CHLSN: variants seen among roughly 807,000 people sequenced by gnomAD.
CHLSN encodes the protein cholesin.
At chr7:1,008,742 CCACACATAAACACACA>C in the CHLSN span, among the ~76,000 whole-genome samples, 1 of 152,130 alleles carries the variant, frequency 6.6e-6, no homozygotes, top group South Asian at 2.1e-4. Flanking sequence ...ACACACATGT[CCACACATAAACACACA>C]CGTGCATAAA....
At chr7:1,136,443 AAT>A in the CHLSN span, among the ~76,000 whole-genome samples, 877 of 121,896 alleles carry the variant, frequency 7.2e-3, 24 homozygotes, top group Non-Finnish European at 9.2e-3. Context: ...CATATATATA[AAT>A]ATATATAAAC....
chr7:1,137,461 T>C, the CHLSN span: 1 of 152,092 alleles, frequency 6.6e-6, no homozygotes, highest in Non-Finnish European at 1.5e-5. Context: ...TTTTTAAAAA[T>C]GAATGAATGA....
At chr7:1,038,236 T>G in the CHLSN span, among the ~76,000 whole-genome samples, 1 of 68,198 alleles carries the variant, frequency 1.5e-5, no homozygotes, top group East Asian at 5.3e-4. Flanking sequence ...CGGCCAGCCG[T>G]GCCATCCGGG....
the CHLSN span, among the ~76,000 whole-genome samples, chr7:1,117,646 C>G: frequency 8.2e-6 from 1 of 122,318 alleles, no homozygotes; most frequent in Non-Finnish European, 1.7e-5. Context: ...TACAGCTCTA[C>G]GGACCGGCTT....
the CHLSN span, among the ~76,000 whole-genome samples, chr7:1,115,773 G>A: frequency 1.7e-5 from 2 of 118,516 alleles, no homozygotes; most frequent in East Asian, 2.3e-4. Flanking sequence ...ACAGCACTAC[G>A]GACCGGCTTC....
chr7:1,081,704 G>T, the CHLSN span, among the ~76,000 whole-genome samples: 9 of 149,520 alleles, frequency 6.0e-5, no homozygotes, highest in Non-Finnish European at 1.3e-4. Context: ...GGCGCAGCCT[G>T]GGGGAGGGAC....
the CHLSN span, among the ~76,000 whole-genome samples, chr7:996,745 AG>A: frequency 2.0e-4 from 31 of 152,358 alleles, no homozygotes; most frequent in Non-Finnish European, 3.7e-4. Flanking sequence ...TGCTGGGAAC[AG>A]GAAGTGTGTG....
At chr7:1,012,494 C>T in the CHLSN span, among the ~76,000 whole-genome samples, 1 of 152,252 alleles carries the variant, frequency 6.6e-6, no homozygotes, top group Non-Finnish European at 1.5e-5. Context: ...AGGCACCAGC[C>T]TGGATGCTGC....
chr7:1,027,374 C>T, the CHLSN span, among the ~76,000 whole-genome samples: 3 of 152,260 alleles, frequency 2.0e-5, no homozygotes, highest in East Asian at 1.9e-4. Flanking sequence ...TCCGTGCGGA[C>T]GCCTGGTCCA....
the CHLSN span, chr7:997,220 A>G: frequency 1.0e-4 from 17 of 163,236 alleles, no homozygotes; most frequent in Non-Finnish European, 1.7e-4. Context: ...AATCAGGCGG[A>G]AGGTGCAGGT....
At chr7:1,107,896 G>A in the CHLSN span, among the ~76,000 whole-genome samples, 3,664 of 96,222 alleles carry the variant, frequency 0.038, 106 homozygotes, top group African/African-American at 0.07. Context: ...CCCGCACCCC[G>A]GGAGGAAGCA....
the CHLSN span, among the ~76,000 whole-genome samples, chr7:1,030,794 ACTCTCTGGGCAGGTGGGG>A: frequency 6.7e-6 from 1 of 149,810 alleles, no homozygotes; most frequent in Admixed American, 6.6e-5. Context: ...GGCAGGTGGG[ACTCTCTGGGCAGGTGGGG>A]CTCTCTCTGG....
chr7:1,103,382 C>T, the CHLSN span, among the ~76,000 whole-genome samples: 1 of 152,150 alleles, frequency 6.6e-6, no homozygotes, highest in Admixed American at 6.5e-5. Context: ...TAAGGAAAAC[C>T]CCAGCTATCA....
chr7:1,008,403 C>A, the CHLSN span, among the ~76,000 whole-genome samples: 1 of 152,320 alleles, frequency 6.6e-6, no homozygotes, highest in African/African-American at 2.4e-5. Context: ...CACCTTGGGT[C>A]CCCTGGGCCA....
the CHLSN span, among the ~76,000 whole-genome samples, chr7:1,109,715 C>T: frequency 6.6e-6 from 1 of 152,136 alleles, no homozygotes; most frequent in African/African-American, 2.4e-5. Context: ...CCTCCCCCGC[C>T]GGGCCCTCCC....
At chr7:1,102,972 G>A in the CHLSN span, among the ~76,000 whole-genome samples, 13 of 152,322 alleles carry the variant, frequency 8.5e-5, no homozygotes, top group East Asian at 2.5e-3. Context: ...ACCAGGGAGC[G>A]GGAAGAGAGA....
the CHLSN span, among the ~76,000 whole-genome samples, chr7:1,111,381 A>C: frequency 6.6e-6 from 1 of 152,248 alleles, no homozygotes; most frequent in South Asian, 2.1e-4. Flanking sequence ...AGGTTTTCTC[A>C]AAGTGCAACT....
chr7:1,016,624 C>CGCACACAGCACCACACAGCAGCGT, the CHLSN span, among the ~76,000 whole-genome samples: 12 of 133,770 alleles, frequency 9.0e-5, no homozygotes, highest in African/African-American at 1.8e-4. Flanking sequence ...CACGCCAGAG[C>CGCACACAGCACCACACAGCAGCGT]ACAGTAGCGC....
At chr7:1,028,253 C>G in the CHLSN span, 4 of 1,092,368 alleles carry the variant, frequency 3.7e-6, no homozygotes, top group Non-Finnish European at 4.5e-6. Context: ...GCCCCGCGCA[C>G]TGACCTCTGA....
Sources: allele counts gnomAD v4.1 joint callset (sites outside exome capture counted in the v4.1 genomes callset), GRCh38; gene constraint gnomAD v4.1.1; transcripts MANE v1.5; gene names NCBI Gene and HGNC (gene_info 2026-07-23, HGNC 2026-07-21).